The following PLEKHG5 variants were observed in gnomAD, a reference collection of about 807,000 sequenced individuals.
PLEKHG5 encodes pleckstrin homology and RhoGEF domain containing G5.
PLEKHG5 carries 52 observed loss-of-function variants against 103.8 expected under a neutral mutation model. The observed-to-expected ratio is 0.50, with a 90% confidence interval of 0.40 to 0.63. The LOEUF (loss-of-function observed/expected upper bound fraction) is 0.63, where lower values mean the gene tolerates loss of function less well. Among genes scored for constraint, PLEKHG5 ranks in the 30% least tolerant of loss-of-function variants. The probability of loss-of-function intolerance (pLI) is 0.00; values close to 1 mark genes in which losing one functional copy is unlikely to be tolerated. For missense variants in PLEKHG5, 1,205 were observed against 1,347.6 expected, an observed-to-expected ratio of 0.89 and a Z score of 1.66; for synonymous variants, 592 against 575.5, an observed-to-expected ratio of 1.03 and a Z score of -0.41.
At chr1:6,502,257 GA>G (rs995742977) in intron 1 of PLEKHG5, among the ~76,000 whole-genome samples, 1 of 152,268 alleles carries the variant, frequency 6.6e-6, no homozygotes, top group African/African-American at 2.4e-5. Flanking sequence ...GGAGGCCTGG[GA>G]AGGAAATGTG....
At chr1:6,488,649 C>G (rs1645084605) in intron 1 of PLEKHG5, among the ~76,000 whole-genome samples, 1 of 152,180 alleles carries the variant, frequency 6.6e-6, no homozygotes, top group African/African-American at 2.4e-5. Context: ...GAGCCCCCAG[C>G]CCCTGTACCA....
upstream of PLEKHG5, among the ~76,000 whole-genome samples, chr1:6,492,811 G>A (rs1645169823): frequency 6.6e-6 from 1 of 152,042 alleles, no homozygotes; most frequent in Non-Finnish European, 1.5e-5. Context: ...ATCCTGGGGA[G>A]GGGCCATTTC....
rs527750670 is a variant in PLEKHG5, at chr1:6,468,149, G to C, written c.2687C>G (p.Ser896Cys). 1 of 1,571,430 alleles carries C rather than the reference G, an allele frequency of 6.4e-7. No homozygotes were observed. Among genetic ancestry groups the C allele is most frequent in the East Asian group, 2.3e-5 (1 of 44,418 alleles). Reference sequence around the variant, plus strand: ...CTCTGACAGGCTGCGGCTGGGGGCAGAGGGTGTCCCATGGGTGCCAGCCCC... The same window carrying C: ...CTCTGACAGGCTGCGGCTGGGGGCACAGGGTGTCCCATGGGTGCCAGCCCC... ...LAGAGTHGTP[S>C]APSRSLSELC... The change falls in exon 20 of 21, where the codon TCT (serine) becomes TGT (cysteine). Residue 896 changes from serine (S) to cysteine (C), a missense_variant. Ser to Cys is a moderately radical substitution (Grantham distance 112, BLOSUM62 -1). Coordinates refer to ENST00000377728, the MANE Select transcript of PLEKHG5 (RefSeq NM_020631.6).
At chr1:6,468,715 ATGTGGCAGG>A (rs1358370588) in intron 19 of PLEKHG5, 129 bp from the exon 20 acceptor site, 2 of 977,498 alleles carry the variant, frequency 2.0e-6, no homozygotes, top group East Asian at 2.6e-5. Flanking sequence ...AGATGGCAGC[ATGTGGCAGG>A]TGTGGCAGAT....
rs568519107 is a variant in PLEKHG5, at chr1:6,471,392, G to T, written c.1281+96C>A. 916 of 1,380,590 alleles carry T rather than the reference G, an allele frequency of 6.6e-4. 8 individuals carry two copies. The African/African-American group carries it at 0.011, about 17-fold the overall frequency. The allele number at this position is 1,380,590 out of a possible 1,614,324, so 85.5% of individuals were successfully genotyped here. On this transcript the variant is annotated intron_variant, in intron 12 of 20. Coordinates refer to ENST00000377728, the MANE Select transcript of PLEKHG5 (RefSeq NM_020631.6). ...AAGTGCGGTTACGGGCCTGGGGGAG[G>T]TTGGGGATGCTGGGCAGACCGGATC...
chr1:6,485,838 CTG>C, intron 1 of PLEKHG5: 2 of 979,506 alleles, frequency 2.0e-6, no homozygotes, highest in Non-Finnish European at 2.4e-6. Context: ...ACCCCCACCT[CTG>C]CGCCTCTGCG....
intron 1 of PLEKHG5, among the ~76,000 whole-genome samples, chr1:6,481,736 C>T (rs1322222298): frequency 2.8e-4 from 41 of 149,018 alleles, no homozygotes; most frequent in African/African-American, 9.9e-4. Context: ...TGGTGGCACA[C>T]GCCTGTAGTC....
chr1:6,497,390 GA>G, upstream of PLEKHG5: 1 of 1,055,066 alleles, frequency 9.5e-7, no homozygotes, highest in Non-Finnish European at 1.1e-6. The surrounding 1 kb of genome is among the most constrained non-coding windows in gnomAD (Gnocchi z 6.1). Flanking sequence ...CGGGGACTGG[GA>G]GGCCGCAGAG....
Position 6,467,853 on chromosome 1 carries a change from G to C in PLEKHG5, c.2983C>G (p.Leu995Val). ...GCAGTGAGCGTGGAGTTAAGCAGCA[G>C]GGTGGTCCTGATTCGGTAGAGCTGG... ...LAQLYRIRTT[L>V]LLNSTLTASE... Residue 995 changes from leucine (L) to valine (V), a missense_variant, in exon 20 of 21, where the codon CTG becomes GTG. Transcript: ENST00000377728. The C allele has an allele frequency of 6.2e-7, 1 of 1,613,268 alleles. No individual in the cohort carries two copies. The highest frequency in any genetic ancestry group is 8.5e-7 in the Non-Finnish European group (1 of 1,179,902).
At chr1:6,477,810 C>T (rs578005550) in intron 1 of PLEKHG5, 152 bp from the exon 2 acceptor site, 1 of 692,988 alleles carries the variant, frequency 1.4e-6, no homozygotes, top group African/African-American at 2.0e-5. Flanking sequence ...TCTCCCACAT[C>T]ATCAAGTTTC....
At chr1:6,510,726 C>G (rs1638448947) in intron 1 of PLEKHG5, among the ~76,000 whole-genome samples, 1 of 152,210 alleles carries the variant, frequency 6.6e-6, no homozygotes, top group African/African-American at 2.4e-5. Flanking sequence ...GCAGTGGGCC[C>G]AGTGTCAGCA....
Position 6,490,093 on chromosome 1 carries a change from T to G in PLEKHG5, c.-88+1544A>C, listed in dbSNP as rs1252160230. Among the ~76,000 whole-genome samples, 3 of 152,062 alleles carry G rather than the reference T, an allele frequency of 2.0e-5. No homozygotes were observed. The East Asian group carries it at 5.8e-4, about 30-fold the overall frequency. ...TTCCGCCTGGGACCGACTCCGGGACTGGCCAGATGGGGAGGATCGGCTGAG... is the reference window on the plus strand; with the variant it reads ...TTCCGCCTGGGACCGACTCCGGGACGGGCCAGATGGGGAGGATCGGCTGAG... On this transcript the variant is annotated intron_variant, in intron 1 of 20. Transcript: ENST00000377728. The surrounding 1 kb of genome is among the most constrained non-coding windows in gnomAD (Gnocchi z 8.0).
chr1:6,500,917 C>T (rs1174796544), upstream of PLEKHG5, among the ~76,000 whole-genome samples: 3 of 152,198 alleles, frequency 2.0e-5, no homozygotes, highest in African/African-American at 7.2e-5. Context: ...TCGCAGGAGG[C>T]CACTTGGGCT....
Position 6,472,975 on chromosome 1 carries a change from C to T in PLEKHG5, c.984+11G>A, listed in dbSNP as rs369478125. On this transcript the variant is annotated intron_variant, in intron 9 of 20. Transcript: ENST00000377728. ...GGACAAGGAGGGAGCAGCACTGTGG[C>T]CCGCACTCACCTCATGCCCATCAAT... 2.9e-5 allele frequency: 46 copies of T among 1,612,804 alleles called. No homozygotes were observed. In the African/African-American group the frequency reaches 5.1e-4, roughly 18 times the overall value.
chr1:6,495,482 T>C (rs1237386323), upstream of PLEKHG5, among the ~76,000 whole-genome samples: 3 of 152,152 alleles, frequency 2.0e-5, no homozygotes, highest in Admixed American at 1.3e-4. Context: ...AGACACATGA[T>C]GGAAGACAAC....
intron 2 of PLEKHG5, among the ~76,000 whole-genome samples, chr1:6,477,231 C>T (rs1644785708): frequency 6.6e-6 from 1 of 152,210 alleles, no homozygotes; most frequent in Admixed American, 6.5e-5. Flanking sequence ...ATAGGCAGAA[C>T]TAGAAAGAAA....
At position 6,469,363 on chromosome 1, in the gene PLEKHG5, C is replaced by A. The variant is rs772414205; in HGVS notation, c.2021G>T (p.Gly674Val). 6.2e-7 allele frequency: 1 copy of A among 1,614,058 alleles called. No homozygotes were observed. Among genetic ancestry groups the A allele is most frequent in the Non-Finnish European group, 8.5e-7 (1 of 1,180,036 alleles). Residue 674 changes from glycine (G) to valine (V), a missense_variant, in exon 18 of 21, where the codon GGC (glycine) becomes GTC (valine). Gly to Val is a moderately radical substitution (Grantham distance 109). Coordinates refer to ENST00000377728, the MANE Select transcript of PLEKHG5 (RefSeq NM_020631.6). ...GGCATTGTAAATGGTGTCCACCCAG[C>A]CACGGCACAAGGCCTGGCCACTGGC... Reference protein sequence around the residue: ...FQASGQALCRGWVDTIYNAQN... With the variant: ...FQASGQALCRVWVDTIYNAQN...
rs1270692289 is a variant in PLEKHG5, at chr1:6,467,582, G to A, written c.3012-10C>T. On this transcript the variant is annotated splice_polypyrimidine_tract_variant and intron_variant, in intron 20 of 20. Transcript: ENST00000377728. ...CTCTGCTCAGACCTCCCTACAGGGT[G>A]GGGAGGGGACAGAGTCCTTCTTTGG... 1.2e-6 allele frequency: 2 copies of A among 1,612,000 alleles called. No homozygotes were observed. Among genetic ancestry groups the A allele is most frequent in the Middle Eastern group, 1.7e-4 (1 of 6,060 alleles).
At position 6,474,089 on chromosome 1, in the gene PLEKHG5, A is replaced by T. The variant is rs1368142720; in HGVS notation, c.515T>A (p.Leu172Gln). The part of the protein sequence containing the change: ...KDSKSLSLPI[L>Q]RPAGTGPPAL... Reference sequence around the variant, plus strand: ...GGGGGGCCCGGTCCCAGCTGGCCGCAGAATCGGCAAACTCAGGGACTTGGA... The same window carrying T: ...GGGGGGCCCGGTCCCAGCTGGCCGCTGAATCGGCAAACTCAGGGACTTGGA... The change falls in exon 7 of 21, where the codon CTG becomes CAG. Residue 172 changes from leucine to glutamine, a missense_variant. Transcript: ENST00000377728. The T allele has an allele frequency of 6.2e-7, 1 of 1,611,376 alleles. No homozygotes were observed.
Sources: gnomAD v4.1 joint callset for allele counts (sites outside exome capture counted in the v4.1 genomes callset) on GRCh38, gnomAD v4.1.1 for gene constraint, Gnocchi (gnomAD v3.1) non-coding constraint, MANE v1.5 for transcripts, NCBI Gene and HGNC (gene_info 2026-07-23, HGNC 2026-07-21) for gene names.